Variants in EFCAB6 observed in about 807,000 individuals in gnomAD.
EFCAB6 encodes the protein EF-hand calcium-binding domain-containing protein 6.
In EFCAB6, 156 loss-of-function variants were observed where a neutral mutation model predicts 169.8. The observed-to-expected ratio is 0.92, with a 90% CI of 0.81 to 1.05. The LOEUF (loss-of-function observed/expected upper bound fraction) is 1.05, where lower values mean the gene tolerates loss of function less well. Ranked by LOEUF, EFCAB6 falls within the 50% of genes least tolerant of loss-of-function variation. The probability of loss-of-function intolerance (pLI) is 0.00; values close to 1 mark genes in which losing one functional copy is unlikely to be tolerated. For synonymous variants in EFCAB6, 698 were observed against 676.4 expected (o/e 1.03, Z -0.50); for missense variants, 1,800 against 1,829.1 (o/e 0.98, Z 0.29).
intron 19 of EFCAB6, among the ~76,000 whole-genome samples, chr22:43,629,645 G>A (rs1176532035): frequency 6.6e-6 from 1 of 152,180 alleles, no homozygotes; most frequent in Non-Finnish European, 1.5e-5. Flanking sequence ...GGGACGTGAG[G>A]AGAGAGGGGA....
At position 43,672,249 on chromosome 22, in the gene EFCAB6, A is replaced by C; in HGVS notation, c.1476T>G (p.Asp492Glu). The C allele has an allele frequency of 1.9e-6, 3 of 1,614,184 alleles. No individual in the cohort carries two copies. The South Asian group carries it at 3.3e-5, about 18-fold the overall frequency. The change falls in exon 14 of 32, where the codon GAT becomes GAG. Residue 492 changes from aspartate (D) to glutamate (E), a missense_variant. Coordinates refer to ENST00000262726, the MANE Select transcript of EFCAB6 (RefSeq NM_022785.4). ...AAAGAAGGCAAGTGTTACTTACTGAATCCCAGGCCAGGAGGAAAGGTGTCT... is the reference window on the plus strand; with the variant it reads ...AAAGAAGGCAAGTGTTACTTACTGACTCCCAGGCCAGGAGGAAAGGTGTCT... ...DAKTPFLLAW[D>E]SVEEIVHDTI...
intron 27 of EFCAB6, among the ~76,000 whole-genome samples, chr22:43,542,969 G>A (rs1157096763): frequency 6.6e-6 from 1 of 152,162 alleles, no homozygotes. Context: ...TGAGCCACCA[G>A]CTGAACCCTG....
chr22:43,736,015 G>C (rs752585070), intron 6 of EFCAB6, 22 bp from the exon 7 acceptor site: 40 of 1,588,506 alleles, frequency 2.5e-5, no homozygotes, highest in Non-Finnish European at 3.2e-5. Context: ...AAGTGATTTA[G>C]GAAAAGTCAA....
chr22:43,717,430 T>C (rs537360593), intron 8 of EFCAB6, among the ~76,000 whole-genome samples: 69 of 150,320 alleles, frequency 4.6e-4, no homozygotes, highest in Non-Finnish European at 9.0e-4. Flanking sequence ...AGAAGAACTA[T>C]TGTTAATATA....
chr22:43,621,197 T>C (rs1444896100), intron 20 of EFCAB6, among the ~76,000 whole-genome samples: 1 of 151,772 alleles, frequency 6.6e-6, no homozygotes, highest in African/African-American at 2.4e-5. Context: ...CAAGCAATTC[T>C]CCTGTCTCAG....
At chr22:43,548,874 T>TA (rs1326761189) in intron 27 of EFCAB6, among the ~76,000 whole-genome samples, 1 of 152,092 alleles carries the variant, frequency 6.6e-6, no homozygotes, top group Non-Finnish European at 1.5e-5. Flanking sequence ...GAACATTTAT[T>TA]AAAAAAAGAC....
At chr22:43,564,459 GAAAAAAA>G (rs111587042) in intron 26 of EFCAB6, among the ~76,000 whole-genome samples, 1 of 139,418 alleles carries the variant, frequency 7.2e-6, no homozygotes, top group Non-Finnish European at 1.6e-5. Flanking sequence ...GAAAAAAAAA[GAAAAAAA>G]AAAAAAGAAG....
chr22:43,601,359 C>T (rs1275605963), intron 22 of EFCAB6, among the ~76,000 whole-genome samples: 2 of 152,194 alleles, frequency 1.3e-5, no homozygotes, highest in Non-Finnish European at 2.9e-5. Context: ...TTTATTTTTA[C>T]AGAAAGATCT....
chr22:43,551,435 T>C (rs182476191), intron 27 of EFCAB6, among the ~76,000 whole-genome samples: 4 of 152,244 alleles, frequency 2.6e-5, no homozygotes, highest in Non-Finnish European at 5.9e-5. Context: ...GAACCTAATA[T>C]TCGTGCCAGA....
chr22:43,602,979 T>C (rs542242491), intron 22 of EFCAB6, among the ~76,000 whole-genome samples: 14 of 151,638 alleles, frequency 9.2e-5, no homozygotes, highest in South Asian at 2.1e-4. Context: ...GGAGAAACTA[T>C]GGTTTAATCA....
At chr22:43,794,887 G>A (rs74546443) in intron 2 of EFCAB6, among the ~76,000 whole-genome samples, 1 of 151,976 alleles carries the variant, frequency 6.6e-6, no homozygotes, top group Non-Finnish European at 1.5e-5. Flanking sequence ...CAAATGATAG[G>A]GTATCACAAA....
At chr22:43,600,630 C>T (rs2052432745) in intron 22 of EFCAB6, among the ~76,000 whole-genome samples, 1 of 150,730 alleles carries the variant, frequency 6.6e-6, no homozygotes, top group Non-Finnish European at 1.5e-5. Context: ...AAGTCAACCC[C>T]TCCATACGTT....
rs996716767 is a variant in EFCAB6, at chr22:43,537,828, G to A, written c.3880-283C>T. On this transcript the variant is annotated intron_variant, in intron 28 of 31. Transcript: ENST00000262726. This position sits in a 1 kb window ranked among gnomAD's most constrained non-coding sequence, Gnocchi z 4.3. ...ACAGATGAGATGTAAACATATTTCTGCTGTGTGTGTGTGTGTGTGAGAAGT... is the reference window on the plus strand; with the variant it reads ...ACAGATGAGATGTAAACATATTTCTACTGTGTGTGTGTGTGTGTGAGAAGT... Among the ~76,000 whole-genome samples, 1 of 143,070 alleles carries A rather than the reference G, an allele frequency of 7.0e-6. No homozygotes were observed. The highest frequency in any genetic ancestry group is 2.6e-5 in the African/African-American group (1 of 37,770). The allele number at this position is 143,070 out of a possible 152,430, so 93.9% of individuals were successfully genotyped here.
chr22:43,726,464 A>G (rs2059743387), intron 8 of EFCAB6, among the ~76,000 whole-genome samples: 4 of 152,206 alleles, frequency 2.6e-5, no homozygotes, highest in Admixed American at 1.3e-4. Context: ...AGCAACTGAA[A>G]GCAGATACAA....
chr22:43,568,460 G>A (rs1045557010), intron 26 of EFCAB6, among the ~76,000 whole-genome samples: 1 of 152,170 alleles, frequency 6.6e-6, no homozygotes, highest in African/African-American at 2.4e-5. Flanking sequence ...AATGGTTGTC[G>A]TGGCTCTGGA....
intron 17 of EFCAB6, among the ~76,000 whole-genome samples, chr22:43,641,833 T>C (rs1272571019): frequency 6.6e-6 from 1 of 152,204 alleles, no homozygotes; most frequent in Non-Finnish European, 1.5e-5. Flanking sequence ...AGCAAAGTTC[T>C]CTTCTGAAAA....
intron 20 of EFCAB6, among the ~76,000 whole-genome samples, chr22:43,618,109 A>T (rs564736482): frequency 6.8e-6 from 1 of 146,792 alleles, no homozygotes; most frequent in South Asian, 2.2e-4. Flanking sequence ...CTCAAAAAAA[A>T]AATCTCAAAA....
intron 10 of EFCAB6, among the ~76,000 whole-genome samples, chr22:43,707,488 T>C (rs1224489644): frequency 6.6e-6 from 1 of 151,878 alleles, no homozygotes; most frequent in Non-Finnish European, 1.5e-5. Context: ...GTAGGGAAAC[T>C]GTAAAGTAAC....
At chr22:43,582,380 G>A (rs569595682) in intron 24 of EFCAB6, among the ~76,000 whole-genome samples, 36 of 150,468 alleles carry the variant, frequency 2.4e-4, no homozygotes, top group Admixed American at 4.7e-4. Context: ...ACACACAGGC[G>A]TTGGACTTCT....
Sources: allele counts gnomAD v4.1 joint callset (sites outside exome capture counted in the v4.1 genomes callset), GRCh38; gene constraint gnomAD v4.1.1; non-coding constraint Gnocchi (gnomAD v3.1); transcripts MANE v1.5; gene names NCBI Gene and HGNC (gene_info 2026-07-23, HGNC 2026-07-21).